FAM53A: variants seen among roughly 807,000 people sequenced by gnomAD.
The protein encoded by FAM53A is family with sequence similarity 53 member A.
Under a neutral mutation model 26.6 loss-of-function variants are expected in FAM53A, and 28 were observed. The observed-to-expected ratio is 1.05, with a 90% confidence interval of 0.78 to 1.45. FAM53A has a LOEUF of 1.45. Among genes scored for constraint, FAM53A ranks in the 40% most tolerant of loss-of-function variants. The probability of loss-of-function intolerance (pLI) is 0.00; values close to 1 mark genes in which losing one functional copy is unlikely to be tolerated. For missense variants in FAM53A, 650 were observed against 575.8 expected, an observed-to-expected ratio of 1.13 and a Z score of -1.32; for synonymous variants, 290 against 253.1, an observed-to-expected ratio of 1.15 and a Z score of -1.38.
At chr4:1,684,918 C>T (rs1715717265), upstream of FAM53A, among the ~76,000 whole-genome samples, 1 of 152,206 alleles carries the variant, frequency 6.6e-6, no homozygotes, top group African/African-American at 2.4e-5. Flanking sequence ...CCGAGCACAG[C>T]AGGCCCAGGG....
intron 4 of FAM53A, among the ~76,000 whole-genome samples, chr4:1,653,829 C>G (rs1398968051): frequency 1.3e-5 from 2 of 152,236 alleles, no homozygotes; most frequent in Admixed American, 6.5e-5. Flanking sequence ...ACCTGGCACG[C>G]CGGCCACACT....
At chr4:1,671,574 G>A (rs1225012667) in intron 1 of FAM53A, among the ~76,000 whole-genome samples, 76 of 119,724 alleles carry the variant, frequency 6.3e-4, no homozygotes, top group East Asian at 2.1e-3. Context: ...GCCACAGCCG[G>A]GACTCACCTC....
downstream of FAM53A, among the ~76,000 whole-genome samples, chr4:1,635,903 G>A (rs1324220766): frequency 1.4e-5 from 2 of 145,512 alleles, no homozygotes; most frequent in Admixed American, 1.4e-4. Context: ...GAGTGCAGTG[G>A]CGCGATCTCG....
At chr4:1,594,759 C>T in the FAM53A span, among the ~76,000 whole-genome samples, 1 of 152,296 alleles carries the variant, frequency 6.6e-6, no homozygotes, top group Admixed American at 6.5e-5. Context: ...AGGAGGATCA[C>T]TTGAGTGTAG....
the FAM53A span, among the ~76,000 whole-genome samples, chr4:1,608,309 A>G: frequency 1.3e-5 from 2 of 151,594 alleles, no homozygotes; most frequent in Non-Finnish European, 2.9e-5. Flanking sequence ...GAACCTCCAG[A>G]CCTCCGTGTA....
chr4:1,594,697 C>G, the FAM53A span, among the ~76,000 whole-genome samples: 2 of 152,062 alleles, frequency 1.3e-5, no homozygotes, highest in Non-Finnish European at 2.9e-5. Context: ...CAAAAGTTAG[C>G]CGGGTGTGGT....
rs1336050888 is a variant in FAM53A, at chr4:1,655,470, A to G, written c.390T>C (p.Leu130=). The G allele has an allele frequency of 4.5e-6, 7 of 1,567,336 alleles. No individual in the cohort carries two copies. Among genetic ancestry groups the G allele is most frequent in the Non-Finnish European group, 6.1e-6 (7 of 1,154,870 alleles). ...HCRSLSEPEE[L]VRCRSPWRPG... is the part of the protein sequence containing the mutation. Reference sequence around the variant, plus strand: ...GGCGCCAGGGGGACCGGCAGCGCACAAGCTCCTCGGGTTCTGACAAGGACC... The same window carrying G: ...GGCGCCAGGGGGACCGGCAGCGCACGAGCTCCTCGGGTTCTGACAAGGACC... The change falls in exon 4 of 5, where the codon CTT becomes CTC. Residue 130 remains leucine, a synonymous_variant. Coordinates refer to ENST00000308132, the MANE Select transcript of FAM53A (RefSeq NM_001174070.3).
chr4:1,648,190 C>G lies in FAM53A; in HGVS notation c.883-6583G>C, dbSNP rs74749566. Among the ~76,000 whole-genome samples the G allele has an allele frequency of 0.012, 1,795 of 152,190 alleles. 105 individuals are homozygous for G. In the East Asian group the frequency reaches 0.19, roughly 16 times the overall value. On this transcript the variant is annotated intron_variant, in intron 4 of 4. Transcript: ENST00000308132. ...TACCACTACACTCCAGCCAGGGCAA[C>G]AGAGAGAGAGACCCTGTCTCCAAAA...
downstream of FAM53A, among the ~76,000 whole-genome samples, chr4:1,636,947 C>T (rs543905451): frequency 1.4e-3 from 214 of 152,260 alleles, 1 homozygote; most frequent in Non-Finnish European, 2.1e-3. Context: ...TACCCATGGC[C>T]CCAGCATCTG....
At chr4:1,633,084 GCA>G (rs925246903) in intron 1 of FAM53A, among the ~76,000 whole-genome samples, 1 of 151,958 alleles carries the variant, frequency 6.6e-6, no homozygotes, top group African/African-American at 2.4e-5. Context: ...ACGCTCATGT[GCA>G]CACACATAGC....
At chr4:1,661,158 CCTCTA>C (rs1560181454) in intron 2 of FAM53A, among the ~76,000 whole-genome samples, 1 of 152,076 alleles carries the variant, frequency 6.6e-6, no homozygotes, top group African/African-American at 2.4e-5. Context: ...CTGCCGCGGC[CCTCTA>C]CTCTGCCCTC....
downstream of FAM53A, among the ~76,000 whole-genome samples, chr4:1,613,226 A>C (rs1714693298): frequency 6.6e-6 from 1 of 152,238 alleles, no homozygotes; most frequent in African/African-American, 2.4e-5. Context: ...TACAAAGAAC[A>C]GAAAGGTACT....
At chr4:1,578,337 C>A in the FAM53A span, among the ~76,000 whole-genome samples, 1 of 152,228 alleles carries the variant, frequency 6.6e-6, no homozygotes, top group Non-Finnish European at 1.5e-5. Flanking sequence ...GTGGCCTGCA[C>A]CCCGTCTGCG....
At chr4:1,682,451 C>A (rs759657462) in intron 1 of FAM53A, among the ~76,000 whole-genome samples, 2 of 151,794 alleles carry the variant, frequency 1.3e-5, no homozygotes, top group African/African-American at 2.4e-5. Context: ...TTAGTAGAGA[C>A]GGGGTTTCAC....
At chr4:1,680,060 C>T (rs2109069679) in intron 1 of FAM53A, among the ~76,000 whole-genome samples, 1 of 146,702 alleles carries the variant, frequency 6.8e-6, no homozygotes, top group Admixed American at 7.0e-5. Context: ...GTGGCTCACA[C>T]CTGTAATCCC....
chr4:1,591,287 CT>C, the FAM53A span, among the ~76,000 whole-genome samples: 1 of 151,992 alleles, frequency 6.6e-6, no homozygotes, highest in East Asian at 1.9e-4. Context: ...TTGAGTCTAA[CT>C]CATTTACATT....
the FAM53A span, among the ~76,000 whole-genome samples, chr4:1,593,276 C>G: frequency 1.3e-5 from 2 of 151,726 alleles, no homozygotes; most frequent in African/African-American, 4.8e-5. Flanking sequence ...CACGTCCCCG[C>G]GCGCCCGCAG....
chr4:1,649,911 TGA>T (rs1712605588), intron 4 of FAM53A, among the ~76,000 whole-genome samples: 1 of 143,546 alleles, frequency 7.0e-6, no homozygotes, highest in African/African-American at 2.7e-5. Flanking sequence ...CGTTTGACTG[TGA>T]GGTGGCACAG....
rs936954076 is a variant in FAM53A at position 1,630,653 on chromosome 4, G to A, written c.432-12542C>T. Among the ~76,000 whole-genome samples, 2 of 152,130 alleles carry A rather than the reference G, an allele frequency of 1.3e-5. No individual in the cohort carries two copies. The highest frequency in any genetic ancestry group is 2.1e-4 in the South Asian group (1 of 4,822). ...CCAGGAGCCTGCTCTAAACACCATC[G>A]TGGAAGCCAGACAGAAAAGGCCCGC... On this transcript the variant is annotated intron_variant, in intron 1 of 1. Coordinates refer to the FAM53A transcript ENST00000489029. This position sits in a 1 kb window ranked among gnomAD's most constrained non-coding sequence, Gnocchi z 4.3.
Sources: allele counts gnomAD v4.1 joint callset (sites outside exome capture counted in the v4.1 genomes callset), GRCh38; gene constraint gnomAD v4.1.1; non-coding constraint Gnocchi (gnomAD v3.1); transcripts MANE v1.5; gene names NCBI Gene and HGNC (gene_info 2026-07-23, HGNC 2026-07-21).